NHP2: variants seen among roughly 807,000 people sequenced by gnomAD.
NHP2 encodes the protein NHP2 ribonucleoprotein, also known as H/ACA ribonucleoprotein complex subunit 2.
A neutral mutation model predicts 16.7 loss-of-function variants in NHP2; 10 were observed. The ratio of observed to expected loss-of-function variants is 0.60; its 90% CI spans 0.37 to 1.01. The LOEUF (loss-of-function observed/expected upper bound fraction) is 1.01. Among genes scored for constraint, NHP2 ranks in the 50% least tolerant of loss-of-function variants. The pLI is 0.01. For synonymous variants in NHP2, 87 were observed against 78.9 expected (o/e 1.10, Z -0.54); for missense variants, 184 against 198.3 (o/e 0.93, Z 0.43).
chr5:178,151,513 C>A (rs1581136814), intron 2 of NHP2, among the ~76,000 whole-genome samples: 1 of 152,184 alleles, frequency 6.6e-6, no homozygotes, highest in East Asian at 1.9e-4. Flanking sequence ...GGGGCAAGGG[C>A]CTCAGGAGCC....
chr5:178,151,730 G>A (rs909181006), intron 2 of NHP2, among the ~76,000 whole-genome samples: 23 of 152,036 alleles, frequency 1.5e-4, no homozygotes, highest in African/African-American at 5.1e-4. Flanking sequence ...CTTCTTCCTG[G>A]CTGACCGGAG....
intron 2 of NHP2, chr5:178,153,228 G>A: frequency 1.8e-6 from 1 of 551,336 alleles, no homozygotes; most frequent in Non-Finnish European, 3.3e-6. Context: ...GGGGAGGAGG[G>A]TCCCTGAATT....
intron 2 of NHP2, among the ~76,000 whole-genome samples, chr5:178,151,551 C>G (rs1266618079): frequency 4.6e-5 from 7 of 152,222 alleles, no homozygotes; most frequent in Non-Finnish European, 1.0e-4. Flanking sequence ...AGTCTGCTCT[C>G]CCATGCTGGA....
chr5:178,153,455 T>C, intron 2 of NHP2, 36 bp downstream of exon 2: 1 of 1,607,774 alleles, frequency 6.2e-7, no homozygotes, highest in East Asian at 2.2e-5. Context: ...CGTTAACGTT[T>C]AGAAATGCAA....
At position 178,149,681 on chromosome 5, in the gene NHP2, A is replaced by T. The variant is rs201984406; in HGVS notation, c.*32T>A. On this transcript the variant is annotated 3_prime_UTR_variant, in exon 4 of 4. Transcript: ENST00000274606. ...TCCTGCTGCCAGCCCAATAGCTTCC[A>T]GCGGCAGGTGCCCAGGTGCTACCGG... 3 of 1,611,654 alleles carry T rather than the reference A, an allele frequency of 1.9e-6. No homozygotes were observed. The South Asian group carries it at 3.3e-5, about 18-fold the overall frequency.
chr5:178,151,556 G>A (rs1409407497), intron 2 of NHP2, among the ~76,000 whole-genome samples: 24 of 152,216 alleles, frequency 1.6e-4, no homozygotes. Flanking sequence ...GCTCTCCCAT[G>A]CTGGATAACA....
In NHP2 at chr5:178,149,648, G is replaced by A. The variant is rs1303374953; in HGVS notation, c.*65C>T. The A allele has an allele frequency of 1.9e-6, 3 of 1,604,982 alleles. No homozygotes were observed. In the East Asian group the frequency reaches 6.7e-5, roughly 36 times the overall value. ...GTCAGTGTGGGTGGGCAGGAGGACA[G>A]CCAGTCGTCCTGCTGCCAGCCCAAT... is the stretch of plus-strand genomic sequence containing the variant. On this transcript the variant is annotated 3_prime_UTR_variant, in exon 4 of 4. Coordinates refer to ENST00000274606, the MANE Select transcript of NHP2 (RefSeq NM_017838.4).
At chr5:178,151,708 T>C (rs1756282799) in intron 2 of NHP2, among the ~76,000 whole-genome samples, 1 of 152,076 alleles carries the variant, frequency 6.6e-6, no homozygotes, top group African/African-American at 2.4e-5. Flanking sequence ...GGCTGCCCTC[T>C]CCTCTCAGGA....
At position 178,152,357 on chromosome 5, in the gene NHP2, T is replaced by C. The variant is rs137863604; in HGVS notation, c.230+1134A>G. On this transcript the variant is annotated intron_variant, in intron 2 of 3. Transcript: ENST00000274606. ...CTGCCCAGAGGCCCACTCTTTCTTCTGGCAGAATCCTCCCACCCACCCCCC... is the reference window on the plus strand; with the variant it reads ...CTGCCCAGAGGCCCACTCTTTCTTCCGGCAGAATCCTCCCACCCACCCCCC... Among the ~76,000 whole-genome samples, 105 of 152,286 alleles carry C rather than the reference T, an allele frequency of 6.9e-4. 2 individuals are homozygous for C. The East Asian group carries it at 0.019, about 27-fold the overall frequency.
Position 178,153,690 on chromosome 5 carries a change from A to T in NHP2, c.128T>A (p.Leu43His). ...PIAQPLASRR[L>H]TRKLYKCIKK... The stretch of plus-strand genomic sequence containing the variant: ...GATGCATTTGTAGAGCTTCCGCGTG[A>T]GGCGGCGAGAAGCCAGGGGCTGCGC... The change falls in exon 1 of 4, where the codon CTC (leucine) becomes CAC (histidine). Residue 43 changes from leucine (L) to histidine (H), a missense_variant. Coordinates refer to ENST00000274606, the MANE Select transcript of NHP2 (RefSeq NM_017838.4). 6.2e-7 allele frequency: 1 copy of T among 1,613,958 alleles called. No homozygotes were observed. The highest frequency in any genetic ancestry group is 1.1e-5 in the South Asian group (1 of 91,064).
rs1756207991 is a variant in NHP2, at chr5:178,149,624, T to G, written c.*89A>C. ...GCCTTGGGGAACTGGGAAGATGCCG[T>G]CAGTGTGGGTGGGCAGGAGGACAGC... On this transcript the variant is annotated 3_prime_UTR_variant, in exon 4 of 4. Coordinates refer to ENST00000274606, the MANE Select transcript of NHP2 (RefSeq NM_017838.4). 1.4e-5 allele frequency: 22 copies of G among 1,566,092 alleles called. No individual in the cohort carries two copies. In the South Asian group the frequency reaches 2.1e-4, roughly 15 times the overall value.
intron 3 of NHP2, chr5:178,150,326 C>A (rs1432993270): frequency 4.3e-6 from 1 of 233,950 alleles, no homozygotes; most frequent in Admixed American, 5.2e-5. Flanking sequence ...AGAACAGGGC[C>A]TCCTGCTTTA....
chr5:178,150,219 A>C (rs1357592308), intron 3 of NHP2: 1 of 221,298 alleles, frequency 4.5e-6, no homozygotes, highest in East Asian at 1.2e-4. Context: ...ATCTTAGCTT[A>C]CAAAGCTCTT....
intron 2 of NHP2, chr5:178,153,273 A>C: frequency 1.6e-6 from 1 of 637,072 alleles, no homozygotes; most frequent in South Asian, 1.8e-5. Context: ...GACTTTGCTT[A>C]CACAATTCGC....
chr5:178,150,758 T>G (rs1756255477), intron 3 of NHP2, 130 bp downstream of exon 3: 4 of 780,838 alleles, frequency 5.1e-6, no homozygotes, highest in Admixed American at 1.7e-5. Flanking sequence ...TAAGAAGATG[T>G]GGAGCTGAGA....
chr5:178,150,486 TCTC>T (rs952420952), intron 3 of NHP2: 9 of 359,636 alleles, frequency 2.5e-5, no homozygotes, highest in South Asian at 8.5e-5. Flanking sequence ...GTTCAAGTGA[TCTC>T]CTGCTTTAGC....
At chr5:178,152,721 G>C (rs1196798260) in intron 2 of NHP2, among the ~76,000 whole-genome samples, 1 of 152,230 alleles carries the variant, frequency 6.6e-6, no homozygotes, top group Non-Finnish European at 1.5e-5. Flanking sequence ...AATTAGTTGT[G>C]TGTGTGTCAT....
rs995736795 is a variant in NHP2 at position 178,149,575 on chromosome 5, T to C, written c.*138A>G. 1.9e-5 allele frequency: 21 copies of C among 1,081,186 alleles called. No homozygotes were observed. Among genetic ancestry groups the C allele is most frequent in the Non-Finnish European group, 2.5e-5 (18 of 734,416 alleles). 67.0% of individuals were successfully genotyped at this position (1,081,186 alleles called of 1,614,324 possible). A position where few individuals can be genotyped will look rare whatever the true frequency, so the allele number is the denominator to read the frequency against. On this transcript the variant is annotated 3_prime_UTR_variant, in exon 4 of 4. Transcript: ENST00000274606. ...AGCATTACCTTCATGAAAGGGCTGT[T>C]AGAGCTGCCTGGGAAGAAGGCGTGC...
intron 3 of NHP2, chr5:178,150,579 C>T (rs1756249811): frequency 2.1e-6 from 1 of 484,004 alleles, no homozygotes; most frequent in Non-Finnish European, 3.9e-6. Flanking sequence ...GATGGAGTCT[C>T]ACTTTGTTGC....
Sources: allele counts gnomAD v4.1 joint callset (sites outside exome capture counted in the v4.1 genomes callset), GRCh38; gene constraint gnomAD v4.1.1; transcripts MANE v1.5; gene names NCBI Gene and HGNC (gene_info 2026-07-23, HGNC 2026-07-21).